The following CXXC4 variants were observed in gnomAD, a reference collection of about 807,000 sequenced individuals.
CXXC4 encodes the protein CXXC finger protein 4, also known as CXXC-type zinc finger protein 4.
Under a neutral mutation model 20.5 loss-of-function variants are expected in CXXC4, and 5 were observed. The ratio of observed to expected loss-of-function variants is 0.24; its 90% CI spans 0.13 to 0.51. The LOEUF is 0.51. Ranked by LOEUF, CXXC4 falls within the 20% of genes least tolerant of loss-of-function variation. The probability of loss-of-function intolerance (pLI) is 0.97; values close to 1 mark genes in which losing one functional copy is unlikely to be tolerated. For missense variants in CXXC4, 419 were observed against 496.4 expected, an observed-to-expected ratio of 0.84 and a Z score of 1.48; for synonymous variants, 250 against 216.4, an observed-to-expected ratio of 1.16 and a Z score of -1.36.
At position 104,471,328 on chromosome 4, in the gene CXXC4, A is replaced by G. The variant is rs72951383; in HGVS notation, c.*994T>C. 1,344 of 152,178 alleles carry G rather than the reference A, an allele frequency of 8.8e-3. 21 individuals are homozygous for G. Among genetic ancestry groups the G allele is most frequent in the African/African-American group, 0.031 (1,283 of 41,560 alleles). The allele number at this position is 152,178 out of a possible 1,614,324, so 9.4% of individuals were successfully genotyped here. The stretch of plus-strand genomic sequence containing the variant: ...CTACAGAAAAAATAAGAAAAAAATT[A>G]AGAAACAATAAAACGTATACAGCCC... On this transcript the variant is annotated 3_prime_UTR_variant, in exon 3 of 3. Coordinates refer to ENST00000394767, the MANE Select transcript of CXXC4 (RefSeq NM_025212.4).
Position 104,471,411 on chromosome 4 carries a change from T to C in CXXC4, c.*911A>G, listed in dbSNP as rs1736270890. 1 of 152,034 alleles carries C rather than the reference T, an allele frequency of 6.6e-6. No homozygotes were observed. Among genetic ancestry groups the C allele is most frequent in the African/African-American group, 2.4e-5 (1 of 41,434 alleles). 9.4% of individuals were successfully genotyped at this position (152,034 alleles called of 1,614,324 possible). ...ATTTTCCCCTCCTAAGATATGATACTTTATTCTTTAGCCTAAAAAACACCG... is the reference window on the plus strand; with the variant it reads ...ATTTTCCCCTCCTAAGATATGATACCTTATTCTTTAGCCTAAAAAACACCG... On this transcript the variant is annotated 3_prime_UTR_variant, in exon 3 of 3. Transcript: ENST00000394767.
chr4:104,491,626 C>A lies in CXXC4; in HGVS notation c.177G>T (p.Gln59His). The A allele has an allele frequency of 6.5e-7, 1 of 1,543,350 alleles. No individual in the cohort carries two copies. Among genetic ancestry groups the A allele is most frequent in the African/African-American group, 1.4e-5 (1 of 72,220 alleles). The change falls in exon 2 of 3, where the codon CAG (glutamine) becomes CAT (histidine). Residue 59 changes from glutamine (Q) to histidine (H), a missense_variant. Around this residue, in one of 3 missense-constraint regions of CXXC4, gnomAD observed 388 missense variants for 416.0 expected, o/e 0.93. Transcript: ENST00000394767. ...TGGTGATGCGCGCGATCTTGGCCGC[C>A]TGTGGGAAGGCGCCCCCGTTGGTCT... ...FYKTNGGAFP[Q>H]AAKIARITTP...
rs776741499 is a variant in CXXC4 at position 104,491,256 on chromosome 4, C to T, written c.547G>A (p.Gly183Ser). ...TGCAACGACGGCTCTGGCGGGCAGC[C>T]AGCTTTCCCCAGCCTCTGGGAGTCG... is the stretch of plus-strand genomic sequence containing the variant. ...RNDSQRLGKA[G>S]CPPEPSLQMA... The change falls in exon 2 of 3, where the codon GGC becomes AGC. Residue 183 changes from glycine (G) to serine (S), a missense_variant. Coordinates refer to ENST00000394767, the MANE Select transcript of CXXC4 (RefSeq NM_025212.4). 8 of 1,612,536 alleles carry T rather than the reference C, an allele frequency of 5.0e-6. No homozygotes were observed. The highest frequency in any genetic ancestry group is 5.9e-6 in the Non-Finnish European group (7 of 1,179,772).
intron 2 of CXXC4, among the ~76,000 whole-genome samples, chr4:104,489,239 C>T (rs56273219): frequency 0.079 from 11,992 of 151,960 alleles, 1,613 homozygotes; most frequent in African/African-American, 0.27. Context: ...AGAATAAATG[C>T]AATATTTTGA....
chr4:104,478,987 G>A (rs1408718185), intron 2 of CXXC4, among the ~76,000 whole-genome samples: 4 of 151,724 alleles, frequency 2.6e-5, no homozygotes, highest in African/African-American at 9.7e-5. Context: ...ATATGTGTGT[G>A]TATATATATA....
chr4:104,480,261 A>G (rs1025131837), intron 2 of CXXC4, among the ~76,000 whole-genome samples: 30 of 152,294 alleles, frequency 2.0e-4, no homozygotes, highest in African/African-American at 7.0e-4. Context: ...ACTAACTAGC[A>G]AAGTAAATTA....
chr4:104,474,694 A>G (rs1216472743), intron 2 of CXXC4, among the ~76,000 whole-genome samples: 1 of 152,086 alleles, frequency 6.6e-6, no homozygotes, highest in East Asian at 1.9e-4. Context: ...TTATGTGTAT[A>G]TGTATGACAC....
At chr4:104,481,816 C>A (rs1325344681) in intron 2 of CXXC4, among the ~76,000 whole-genome samples, 1 of 152,054 alleles carries the variant, frequency 6.6e-6, no homozygotes, top group Admixed American at 6.5e-5. Flanking sequence ...CTAATTAATA[C>A]CATATATTCA....
In CXXC4 at chr4:104,491,696, T is replaced by C; in HGVS notation, c.107A>G (p.Asn36Ser). 5 of 1,544,464 alleles carry C rather than the reference T, an allele frequency of 3.2e-6. No individual in the cohort carries two copies. The highest frequency in any genetic ancestry group is 4.4e-6 in the Non-Finnish European group (5 of 1,144,218). ...GGAGCGGTAGCGCTCCATTTCCGAG[T>C]TGTAATCCACAAGGCTGTTCAGAGC... ...EGALNSLVDY[N>S]SEMERYRSFA... Residue 36 changes from asparagine (N) to serine (S), a missense_variant, in exon 2 of 3, where the codon AAC becomes AGC. Physicochemically the swap from Asn to Ser is conservative, Grantham distance 46. Coordinates refer to ENST00000394767, the MANE Select transcript of CXXC4 (RefSeq NM_025212.4).
chr4:104,480,815 G>A (rs139560366), intron 2 of CXXC4, among the ~76,000 whole-genome samples: 129 of 151,730 alleles, frequency 8.5e-4, no homozygotes, highest in African/African-American at 2.8e-3. Context: ...TAACCTTCCT[G>A]TATTTCCTTC....
chr4:104,486,504 C>T lies in CXXC4; in HGVS notation c.1059+4240G>A, dbSNP rs1736698685. Among the ~76,000 whole-genome samples the T allele has an allele frequency of 3.9e-5, 6 of 151,976 alleles. No individual in the cohort carries two copies. The South Asian group carries it at 1.2e-3, about 31-fold the overall frequency. ...TTACATTCTAATGTTAATATACTAT[C>T]ATTTTGTTTAAATTTTATTGAAAAA... On this transcript the variant is annotated intron_variant, in intron 2 of 2. Coordinates refer to ENST00000394767, the MANE Select transcript of CXXC4 (RefSeq NM_025212.4).
chr4:104,494,372 CTAATTAATAAAT>C (rs1309431465), intron 1 of CXXC4: 1 of 152,052 alleles, frequency 6.6e-6, no homozygotes, highest in Non-Finnish European at 1.5e-5. Flanking sequence ...CGGGTGCAGA[CTAATTAATAAAT>C]TAATACAGCG....
intron 2 of CXXC4, among the ~76,000 whole-genome samples, chr4:104,490,295 G>C (rs541847711): frequency 1.3e-5 from 2 of 152,220 alleles, no homozygotes; most frequent in East Asian, 3.9e-4. Context: ...TTTTTAATGA[G>C]AACAGGCTTG....
At chr4:104,485,138 T>A (rs1203769512) in intron 2 of CXXC4, among the ~76,000 whole-genome samples, 1 of 152,108 alleles carries the variant, frequency 6.6e-6, no homozygotes, top group Non-Finnish European at 1.5e-5. Context: ...CTTCCTAGAA[T>A]GCCCTACTTC....
chr4:104,470,599 T>C lies in CXXC4; in HGVS notation c.*1723A>G, dbSNP rs754269427. On this transcript the variant is annotated 3_prime_UTR_variant, in exon 3 of 3. Coordinates refer to ENST00000394767, the MANE Select transcript of CXXC4 (RefSeq NM_025212.4). ...TCACTTACTAGTCTTTCCTAATCTT[T>C]ACAGCTTCTTTCATTGTACCATACC... is the stretch of plus-strand genomic sequence containing the variant. The C allele has an allele frequency of 1.3e-5, 2 of 152,106 alleles. No individual in the cohort carries two copies. Among genetic ancestry groups the C allele is most frequent in the Non-Finnish European group, 1.5e-5 (1 of 67,988 alleles). 9.4% of individuals were successfully genotyped at this position (152,106 alleles called of 1,614,324 possible).
chr4:104,472,949 C>A (rs942065831), intron 2 of CXXC4, among the ~76,000 whole-genome samples: 2 of 151,956 alleles, frequency 1.3e-5, no homozygotes, highest in South Asian at 2.1e-4. Context: ...GCATTCTATG[C>A]GGTTAAAATG....
At position 104,491,470 on chromosome 4, in the gene CXXC4, C is replaced by G. The variant is rs1350457861; in HGVS notation, c.333G>C (p.Gly111=). ...CGCCGCCACCCCCCCCGCCGCCGCC[C>G]CCGCCCCCGCCGCTGCCCCAGAGCA... The part of the protein sequence containing the change: ...TAMLWGSGGG[G]GGGGGGGGGG... The change falls in exon 2 of 3, where the codon GGG becomes GGC. Residue 111 remains glycine (G), a synonymous_variant. Transcript: ENST00000394767. 15 of 941,574 alleles carry G rather than the reference C, an allele frequency of 1.6e-5. No individual in the cohort carries two copies. The highest frequency in any genetic ancestry group is 5.0e-5 in the South Asian group (1 of 19,918). 58.3% of individuals were successfully genotyped at this position (941,574 alleles called of 1,614,324 possible).
intron 2 of CXXC4, among the ~76,000 whole-genome samples, chr4:104,482,229 T>C (rs1240061791): frequency 2.6e-5 from 4 of 152,178 alleles, no homozygotes; most frequent in African/African-American, 4.8e-5. Flanking sequence ...TATTGTCACC[T>C]GCAGTTTGAT....
At position 104,491,180 on chromosome 4, in the gene CXXC4, G is replaced by C; in HGVS notation, c.623C>G (p.Pro208Arg). The C allele has an allele frequency of 6.2e-7, 1 of 1,613,910 alleles. No homozygotes were observed. The highest frequency in any genetic ancestry group is 8.5e-7 in the Non-Finnish European group (1 of 1,179,996). ...CTTGTTCATGCATTCCCCCGCCAAA[G>C]GTCTGCAGTGTTCAGGGGATAAGGT... Reference protein sequence around the residue: ...LSTLSPEHCRPLAGECMNKLK... With the variant: ...LSTLSPEHCRRLAGECMNKLK... The change falls in exon 2 of 3, where the codon CCT (proline) becomes CGT (arginine). Residue 208 changes from proline to arginine, a missense_variant. This residue lies in a region of CXXC4 where 388 missense variants were observed against 416.0 expected (regional missense o/e 0.93). Coordinates refer to ENST00000394767, the MANE Select transcript of CXXC4 (RefSeq NM_025212.4).
Sources: gnomAD v4.1 joint callset for allele counts (sites outside exome capture counted in the v4.1 genomes callset) on GRCh38, gnomAD v4.1.1 for gene constraint, gnomAD v4.1.1 regional missense constraint, MANE v1.5 for transcripts, NCBI Gene and HGNC (gene_info 2026-07-23, HGNC 2026-07-21) for gene names.